DHX9: variants seen among roughly 807,000 people sequenced by gnomAD.
The protein encoded by DHX9 is ATP-dependent RNA helicase A.
In DHX9, 27 loss-of-function variants were observed where a neutral mutation model predicts 148.7. The ratio of observed to expected loss-of-function variants is 0.18; its 90% CI spans 0.13 to 0.25. DHX9 has a LOEUF of 0.25. Ranked by LOEUF, DHX9 falls within the 10% of genes least tolerant of loss-of-function variation. The pLI, the probability that DHX9 is intolerant of heterozygous loss-of-function variation, is 1.00. For synonymous variants in DHX9, 529 were observed against 516.6 expected (o/e 1.02, Z -0.33); for missense variants, 796 against 1,559.6 (o/e 0.51, Z 8.25).
chr1:182,885,349 CA>C (rs781673263), intron 27 of DHX9, among the ~76,000 whole-genome samples: 24 of 151,870 alleles, frequency 1.6e-4, no homozygotes, highest in Admixed American at 2.6e-4. Flanking sequence ...TGATACTTAC[CA>C]AAAAGGCAAG....
intron 7 of DHX9, 28 bp from the exon 8 acceptor site, chr1:182,858,072 TTCTG>T: frequency 1.3e-6 from 2 of 1,593,690 alleles, no homozygotes; most frequent in Non-Finnish European, 1.7e-6. Flanking sequence ...GATGATTTCT[TTCTG>T]TCTGATAATC....
intron 12 of DHX9, among the ~76,000 whole-genome samples, chr1:182,863,772 CTAAGAAT>C (rs1288738519): frequency 3.3e-5 from 5 of 150,054 alleles, no homozygotes; most frequent in African/African-American, 1.3e-4. Context: ...TTCTAGTGAG[CTAAGAAT>C]TAAGAATTAG....
chr1:182,862,674 A>G (rs908164839), intron 12 of DHX9, among the ~76,000 whole-genome samples: 10 of 152,202 alleles, frequency 6.6e-5, no homozygotes, highest in Non-Finnish European at 8.8e-5. Flanking sequence ...GTTACTGTGT[A>G]TATAACGCTT....
intron 12 of DHX9, among the ~76,000 whole-genome samples, chr1:182,861,366 T>TA (rs951090611): frequency 2.6e-5 from 4 of 152,294 alleles, no homozygotes; most frequent in African/African-American, 9.6e-5. Context: ...TTTTTTGACT[T>TA]ACAGTGAAGG....
chr1:182,859,181 AAGTC>A, intron 11 of DHX9, 64 bp downstream of exon 11: 1 of 1,450,414 alleles, frequency 6.9e-7, no homozygotes, highest in Non-Finnish European at 9.7e-7. Flanking sequence ...TATGGGTAAA[AAGTC>A]AATGAGCAGT....
At chr1:182,871,438 A>C (rs934075891) in intron 14 of DHX9, among the ~76,000 whole-genome samples, 3 of 152,216 alleles carry the variant, frequency 2.0e-5, no homozygotes, top group Non-Finnish European at 4.4e-5. Context: ...TATATAAATA[A>C]TGGTACCACT....
At position 182,856,558 on chromosome 1, in the gene DHX9, A is replaced by G; in HGVS notation, c.653A>G (p.Tyr218Cys). Residue 218 changes from tyrosine (Y) to cysteine (C), a missense_variant, in exon 7 of 28, where the codon TAT becomes TGT. Physicochemically the swap from Tyr to Cys is radical, Grantham distance 194. Coordinates refer to ENST00000367549, the MANE Select transcript of DHX9 (RefSeq NM_001357.5). ...NRSFIAEMTI[Y>C]IKQLGRRIFA... ...AGCTTTATTGCAGAAATGACCATTT[A>G]TATCAAGCAGCTGGGCAGAAGTAAG... 1 of 1,613,984 alleles carries G rather than the reference A, an allele frequency of 6.2e-7. No homozygotes were observed. Among genetic ancestry groups the G allele is most frequent in the Non-Finnish European group, 8.5e-7 (1 of 1,179,930 alleles).
chr1:182,865,215 T>A (rs1338450431), intron 12 of DHX9, among the ~76,000 whole-genome samples: 1 of 152,224 alleles, frequency 6.6e-6, no homozygotes, highest in African/African-American at 2.4e-5. Context: ...CATTTTCACA[T>A]TCCTTAACTC....
intron 27 of DHX9, among the ~76,000 whole-genome samples, chr1:182,885,159 A>G (rs1202868363): frequency 6.6e-6 from 1 of 152,204 alleles, no homozygotes; most frequent in Non-Finnish European, 1.5e-5. Context: ...CTCTAAAGAA[A>G]AATATTGATG....
chr1:182,856,012 A>AG (rs1157597540), intron 6 of DHX9, among the ~76,000 whole-genome samples: 2 of 152,264 alleles, frequency 1.3e-5, no homozygotes, highest in Non-Finnish European at 2.9e-5. Context: ...TTCCAACTGC[A>AG]GGCAGATGTG....
At chr1:182,866,925 C>T (rs759471856) in intron 13 of DHX9, 36 bp from the exon 14 acceptor site, 2 of 1,539,746 alleles carry the variant, frequency 1.3e-6, no homozygotes, top group South Asian at 2.4e-5. Flanking sequence ...CTACTTTGAA[C>T]TTTTCTATAG....
intron 27 of DHX9, among the ~76,000 whole-genome samples, 169 bp from the exon 28 acceptor site, chr1:182,886,914 T>TTGA (rs1164313203): frequency 1.7e-4 from 26 of 152,356 alleles, no homozygotes; most frequent in African/African-American, 6.3e-4. Context: ...ATGGATACAA[T>TTGA]TGATGACTGT....
At chr1:182,856,082 G>A (rs1010825456) in intron 6 of DHX9, among the ~76,000 whole-genome samples, 5 of 152,202 alleles carry the variant, frequency 3.3e-5, no homozygotes, top group Non-Finnish European at 7.3e-5. Flanking sequence ...GTGAGTTTGC[G>A]TATATTAGCT....
chr1:182,866,957 C>A lies in DHX9; in HGVS notation c.1475-4C>A. On this transcript the variant is annotated splice_region_variant and splice_polypyrimidine_tract_variant and intron_variant, in intron 13 of 27. Coordinates refer to ENST00000367549, the MANE Select transcript of DHX9 (RefSeq NM_001357.5). ...ATAGTTTATTGATTGTTTTTCTTTT[C>A]AAGGTGTGCTCCTGAGAAAATTAGA... The A allele has an allele frequency of 6.2e-7, 1 of 1,600,498 alleles. No homozygotes were observed. Among genetic ancestry groups the A allele is most frequent in the Admixed American group, 1.8e-5 (1 of 56,622 alleles).
intron 12 of DHX9, 99 bp from the exon 13 acceptor site, chr1:182,866,345 A>G: frequency 1.7e-6 from 2 of 1,174,670 alleles, no homozygotes; most frequent in Non-Finnish European, 2.4e-6. Context: ...TTATTCAACT[A>G]GCAGTAGGAC....
intron 12 of DHX9, among the ~76,000 whole-genome samples, chr1:182,864,802 A>G (rs1396843704): frequency 3.3e-5 from 5 of 152,220 alleles, no homozygotes; most frequent in African/African-American, 1.2e-4. Context: ...ATTAGTATTT[A>G]AAACCTCTAT....
At chr1:182,880,042 T>A (rs1649018117) in intron 21 of DHX9, among the ~76,000 whole-genome samples, 1 of 152,118 alleles carries the variant, frequency 6.6e-6, no homozygotes, top group Non-Finnish European at 1.5e-5. Flanking sequence ...TTATTTTTTC[T>A]TGCTAAACTT....
intron 22 of DHX9, 76 bp downstream of exon 22, chr1:182,880,684 A>G: frequency 3.2e-6 from 3 of 939,886 alleles, no homozygotes; most frequent in Middle Eastern, 4.4e-4. Flanking sequence ...TAAAAGCAGT[A>G]TTGGCTCAGA....
intron 3 of DHX9, among the ~76,000 whole-genome samples, chr1:182,847,858 T>C (rs1376291725): frequency 6.6e-6 from 1 of 152,156 alleles, no homozygotes; most frequent in Non-Finnish European, 1.5e-5. Context: ...TCTGGTGTGT[T>C]GTGTGTGTGT....
Sources: gnomAD v4.1 joint callset for allele counts (sites outside exome capture counted in the v4.1 genomes callset) on GRCh38, gnomAD v4.1.1 for gene constraint, MANE v1.5 for transcripts, NCBI Gene and HGNC (gene_info 2026-07-23, HGNC 2026-07-21) for gene names.